Variants in STT3B observed in about 807,000 individuals in gnomAD.
The protein encoded by STT3B is STT3 oligosaccharyltransferase complex catalytic subunit B.
STT3B carries 29 observed loss-of-function variants against 96.8 expected under a neutral mutation model. The ratio of observed to expected loss-of-function variants is 0.30; its 90% CI spans 0.22 to 0.41. The LOEUF is 0.41. STT3B is among the 10% of genes least tolerant of loss of function. The pLI is 1.00. For missense variants in STT3B, 640 were observed against 1,022.3 expected (o/e 0.63, Z 5.10); for synonymous variants, 367 against 360.0 (o/e 1.02, Z -0.22).
At chr3:31,568,769 A>T (rs1330506663) in intron 1 of STT3B, among the ~76,000 whole-genome samples, 1 of 152,194 alleles carries the variant, frequency 6.6e-6, no homozygotes, top group Admixed American at 6.5e-5. Context: ...TCAATATAAG[A>T]TGAAATAAAT....
intron 3 of STT3B, among the ~76,000 whole-genome samples, chr3:31,593,622 A>G (rs1467956441): frequency 6.6e-6 from 1 of 152,058 alleles, no homozygotes; most frequent in Non-Finnish European, 1.5e-5. Flanking sequence ...CTTCATGCTC[A>G]CTGATTCTTC....
Position 31,617,978 on chromosome 3 carries a change from T to TG in STT3B, c.1165dup (p.Asp389GlyfsTer17). ...ATGGAGTGGCAGGTTTTATTCATTG[T>TG]GGGATACTGGGTAAGTACAGTTACA... On this transcript the variant is annotated frameshift_variant, in exon 8 of 16. Coordinates refer to ENST00000295770, the MANE Select transcript of STT3B (RefSeq NM_178862.3). LOFTEE classifies it high-confidence loss of function. 1 of 1,597,968 alleles carries TG rather than the reference T, an allele frequency of 6.3e-7. No homozygotes were observed. Among genetic ancestry groups the TG allele is most frequent in the East Asian group, 2.2e-5 (1 of 44,710 alleles).
At chr3:31,635,767 A>G (rs1199940312) in intron 15 of STT3B, among the ~76,000 whole-genome samples, 1 of 152,228 alleles carries the variant, frequency 6.6e-6, no homozygotes, top group Admixed American at 6.5e-5. Flanking sequence ...GAGGATGTCT[A>G]GGAACCTAGT....
At chr3:31,555,756 C>A (rs1225060349) in intron 1 of STT3B, among the ~76,000 whole-genome samples, 1 of 152,010 alleles carries the variant, frequency 6.6e-6, no homozygotes, top group African/African-American at 2.4e-5. Context: ...TAGTTAACAT[C>A]ACTTTATTTT....
At chr3:31,547,031 T>C (rs190601066) in intron 1 of STT3B, among the ~76,000 whole-genome samples, 1 of 152,288 alleles carries the variant, frequency 6.6e-6, no homozygotes, top group African/African-American at 2.4e-5. Context: ...CTCCAAATAA[T>C]TGAGGCTTGG....
intron 3 of STT3B, among the ~76,000 whole-genome samples, chr3:31,588,978 A>G (rs563996047): frequency 1.3e-5 from 2 of 152,116 alleles, no homozygotes; most frequent in Admixed American, 6.6e-5. Context: ...GCCTTTCCAT[A>G]TAAACATTCA....
At chr3:31,591,730 A>C (rs1053030928) in intron 3 of STT3B, among the ~76,000 whole-genome samples, 11 of 152,126 alleles carry the variant, frequency 7.2e-5, no homozygotes, top group African/African-American at 2.4e-4. Flanking sequence ...GATTATATTT[A>C]TATTCATATA....
chr3:31,578,063 A>G (rs2125452688), intron 2 of STT3B, among the ~76,000 whole-genome samples: 1 of 152,258 alleles, frequency 6.6e-6, no homozygotes, highest in African/African-American at 2.4e-5. Flanking sequence ...TCTTATACTT[A>G]AGGTTATTAT....
At chr3:31,626,953 A>G (rs1328333014) in intron 13 of STT3B, among the ~76,000 whole-genome samples, 1 of 151,942 alleles carries the variant, frequency 6.6e-6, no homozygotes, top group African/African-American at 2.4e-5. Context: ...AGCCCCTGAA[A>G]CTTGCTTGTG....
intron 13 of STT3B, among the ~76,000 whole-genome samples, chr3:31,627,116 G>A (rs1699554609): frequency 6.6e-6 from 1 of 152,082 alleles, no homozygotes. Context: ...TGTTTTGCAG[G>A]AGTCCCCAGA....
At chr3:31,625,456 C>T (rs182339582) in intron 12 of STT3B, among the ~76,000 whole-genome samples, 4 of 152,324 alleles carry the variant, frequency 2.6e-5, no homozygotes, top group Admixed American at 2.0e-4. Context: ...AACTGTTCCT[C>T]TAGCTATTAA....
intron 15 of STT3B, among the ~76,000 whole-genome samples, 157 bp from the exon 16 acceptor site, chr3:31,635,827 A>T: frequency 6.6e-6 from 1 of 152,194 alleles, no homozygotes; most frequent in East Asian, 1.9e-4. Flanking sequence ...CACCACTAAC[A>T]GTTTAGTGGT....
chr3:31,628,674 A>G (rs1699587486), intron 13 of STT3B, among the ~76,000 whole-genome samples: 1 of 152,146 alleles, frequency 6.6e-6, no homozygotes, highest in Non-Finnish European at 1.5e-5. Context: ...GTCCTCCCCA[A>G]ATAAAGCCGA....
intron 7 of STT3B, 106 bp from the exon 8 acceptor site, chr3:31,617,834 G>C (rs998627505): frequency 1.3e-6 from 1 of 797,328 alleles, no homozygotes; most frequent in Non-Finnish European, 2.1e-6. Context: ...GAAATTCTTT[G>C]AACATTAGTT....
intron 1 of STT3B, among the ~76,000 whole-genome samples, chr3:31,546,186 T>G (rs1308769408): frequency 6.6e-6 from 1 of 152,242 alleles, no homozygotes; most frequent in Non-Finnish European, 1.5e-5. Flanking sequence ...TATGAAAATA[T>G]ACCACTCCAA....
At chr3:31,578,344 C>T (rs1375404422) in intron 2 of STT3B, among the ~76,000 whole-genome samples, 1 of 152,078 alleles carries the variant, frequency 6.6e-6, no homozygotes, top group African/African-American at 2.4e-5. Flanking sequence ...TCAGCACCTA[C>T]TTTGAATTTC....
At chr3:31,626,665 C>G (rs1699545648) in intron 13 of STT3B, among the ~76,000 whole-genome samples, 1 of 152,164 alleles carries the variant, frequency 6.6e-6, no homozygotes, top group African/African-American at 2.4e-5. Flanking sequence ...GCTTTGAGCA[C>G]TAGGTCTAGT....
chr3:31,583,311 TA>T (rs1005501774), intron 3 of STT3B, among the ~76,000 whole-genome samples: 4 of 150,878 alleles, frequency 2.7e-5, no homozygotes, highest in Admixed American at 6.6e-5. Flanking sequence ...ACCTTTTTTT[TA>T]AAAAAAAAAT....
In STT3B at chr3:31,606,490, T is replaced by G. The variant is rs1261866393; in HGVS notation, c.877+6031T>G. Among the ~76,000 whole-genome samples, 3 of 118,338 alleles carry G rather than the reference T, an allele frequency of 2.5e-5. No homozygotes were observed. In the East Asian group the frequency reaches 6.4e-4, roughly 25 times the overall value. 77.6% of individuals were successfully genotyped at this position (118,338 alleles called of 152,430 possible). A position where few individuals can be genotyped will look rare whatever the true frequency, so the allele number is the denominator to read the frequency against. On this transcript the variant is annotated intron_variant, in intron 5 of 15. Coordinates refer to ENST00000295770, the MANE Select transcript of STT3B (RefSeq NM_178862.3). ...TAGCCATGGCTAAAAGGGGTTAAGG[T>G]ACAGTTCAGACAATGGCTTCAGAGG...
Sources: allele counts gnomAD v4.1 joint callset (sites outside exome capture counted in the v4.1 genomes callset), GRCh38; gene constraint gnomAD v4.1.1; transcripts MANE v1.5; gene names NCBI Gene and HGNC (gene_info 2026-07-23, HGNC 2026-07-21).